Variants in PRKG2 observed in about 807,000 individuals in gnomAD.
PRKG2 encodes the protein protein kinase cGMP-dependent 2, also known as cGMP-dependent protein kinase 2.
Under a neutral mutation model 97.2 loss-of-function variants are expected in PRKG2, and 33 were observed. The observed-to-expected ratio is 0.34, with a 90% CI of 0.26 to 0.45. The LOEUF (loss-of-function observed/expected upper bound fraction) is 0.45. Ranked by LOEUF, PRKG2 falls within the 20% of genes least tolerant of loss-of-function variation. PRKG2 has a pLI of 1.00. For missense variants in PRKG2, 638 were observed against 900.0 expected, an observed-to-expected ratio of 0.71 and a Z score of 3.73; for synonymous variants, 330 against 321.8, an observed-to-expected ratio of 1.03 and a Z score of -0.27.
intron 17 of PRKG2, among the ~76,000 whole-genome samples, chr4:81,102,613 A>G (rs1742913939): frequency 6.6e-6 from 1 of 152,226 alleles, no homozygotes; most frequent in Non-Finnish European, 1.5e-5. Context: ...TTTTGATTCT[A>G]TAAAATCTAC....
chr4:81,169,636 C>T (rs1750285932), intron 5 of PRKG2, 27 bp downstream of exon 5: 2 of 1,478,488 alleles, frequency 1.4e-6, no homozygotes, highest in African/African-American at 1.4e-5. Flanking sequence ...CCACTGTCTT[C>T]ACTGTCTCCC....
Position 81,089,772 on chromosome 4 carries a change from T to C in PRKG2, c.2225A>G (p.Asp742Gly). Residue 742 changes from aspartate to glycine, a missense_variant, in exon 19 of 19, where the codon GAC (aspartate) becomes GGC (glycine). Physicochemically the swap from Asp to Gly is moderately conservative, Grantham distance 94 (BLOSUM62 -1). Coordinates refer to ENST00000264399, the MANE Select transcript of PRKG2 (RefSeq NM_006259.3). ...CATTCCCTTTTCAGGAGGATATTTG[T>C]CAAAGTAGCTGTGATCTATGGGTCC... ...LKGPIDHSYF[D>G]KYPPEKGMPP... The C allele has an allele frequency of 2.5e-6, 4 of 1,612,616 alleles. No homozygotes were observed. Among genetic ancestry groups the C allele is most frequent in the Non-Finnish European group, 3.4e-6 (4 of 1,178,646 alleles).
Position 81,088,401 on chromosome 4 carries a change from A to G in PRKG2, c.*1307T>C, listed in dbSNP as rs1475769262. The G allele has an allele frequency of 6.6e-6, 1 of 152,170 alleles. No individual in the cohort carries two copies. The highest frequency in any genetic ancestry group is 1.5e-5 in the Non-Finnish European group (1 of 68,014). The allele number at this position is 152,170 out of a possible 1,614,324, so 9.4% of individuals were successfully genotyped here. A position where few individuals can be genotyped will look rare whatever the true frequency, so the allele number is the denominator to read the frequency against. On this transcript the variant is annotated 3_prime_UTR_variant, in exon 19 of 19. Coordinates refer to ENST00000264399, the MANE Select transcript of PRKG2 (RefSeq NM_006259.3). The stretch of plus-strand genomic sequence containing the variant: ...TTATACAGTATTTTTACTCTGCTAG[A>G]TTTAAAAAATACAGAAAAGTCTCTG...
intron 11 of PRKG2, among the ~76,000 whole-genome samples, 185 bp from the exon 12 acceptor site, chr4:81,140,854 A>T (rs1747211342): frequency 1.3e-5 from 2 of 152,090 alleles, no homozygotes; most frequent in Admixed American, 1.3e-4. Context: ...TAGTTCATCT[A>T]TCTGGGATGT....
At chr4:81,101,379 T>C (rs1578336943) in intron 17 of PRKG2, among the ~76,000 whole-genome samples, 2 of 152,184 alleles carry the variant, frequency 1.3e-5, no homozygotes, top group Non-Finnish European at 2.9e-5. Context: ...TGGAACACTA[T>C]GCAGCCATAA....
At chr4:81,207,003 T>C (rs1458073613) in intron 1 of PRKG2, among the ~76,000 whole-genome samples, 1 of 152,224 alleles carries the variant, frequency 6.6e-6, no homozygotes, top group Non-Finnish European at 1.5e-5. Context: ...TGCAGAGATG[T>C]GGCAGGTTTA....
intron 14 of PRKG2, among the ~76,000 whole-genome samples, chr4:81,122,755 T>C (rs1413042982): frequency 6.6e-6 from 1 of 152,162 alleles, no homozygotes; most frequent in African/African-American, 2.4e-5. Flanking sequence ...ATGCCACTTA[T>C]AGGAATTTGC....
At chr4:81,123,297 G>T (rs532452490) in intron 14 of PRKG2, among the ~76,000 whole-genome samples, 1 of 152,310 alleles carries the variant, frequency 6.6e-6, no homozygotes, top group Non-Finnish European at 1.5e-5. Flanking sequence ...TCATGATCAT[G>T]TGGTAACCCC....
intron 1 of PRKG2, among the ~76,000 whole-genome samples, chr4:81,214,153 TAAA>T (rs11355853): frequency 1.5e-4 from 18 of 120,324 alleles, no homozygotes; most frequent in Non-Finnish European, 1.9e-4. Context: ...CTCTCTTCCT[TAAA>T]AAAAAAAAAA....
At chr4:81,217,053 ATG>A (rs1289899788), upstream of PRKG2, among the ~76,000 whole-genome samples, 746 of 133,538 alleles carry the variant, frequency 5.6e-3, 20 homozygotes, top group African/African-American at 0.012. Context: ...ATATATATAT[ATG>A]TGTATATATA....
Position 81,144,310 on chromosome 4 carries a change from C to G in PRKG2, c.1175G>C (p.Gly392Ala). 1.2e-6 allele frequency: 2 copies of G among 1,610,806 alleles called. No individual in the cohort carries two copies. Among genetic ancestry groups the G allele is most frequent in the Non-Finnish European group, 1.7e-6 (2 of 1,177,312 alleles). Residue 392 changes from glycine (G) to alanine (A), a missense_variant, in exon 10 of 19, where the codon GGT becomes GCT. Coordinates refer to ENST00000264399, the MANE Select transcript of PRKG2 (RefSeq NM_006259.3). ...GTATTTTTGCAGCTCTTCAAATGTA[C>G]CGACAGTTTGGTTGAATGTTCTAAA... ...IDRETFNQTV[G>A]TFEELQKYLE... is the part of the protein sequence containing the mutation.
chr4:81,183,714 C>G (rs563283118), intron 2 of PRKG2, among the ~76,000 whole-genome samples: 16 of 152,246 alleles, frequency 1.1e-4, no homozygotes, highest in Admixed American at 7.8e-4. Context: ...ATCCCACCCC[C>G]ACAGAGACCA....
chr4:81,092,410 G>A lies in PRKG2; in HGVS notation c.2169C>T (p.Ser723=), dbSNP rs751059878. 1 of 1,594,754 alleles carries A rather than the reference G, an allele frequency of 6.3e-7. No individual in the cohort carries two copies. Among genetic ancestry groups the A allele is most frequent in the Non-Finnish European group, 8.6e-7 (1 of 1,165,794 alleles). The change falls in exon 18 of 19, where the codon AGC becomes AGT. Residue 723 remains serine (S), a synonymous_variant. Transcript: ENST00000264399. ...CCTCTCTTTGCAAAGGTGATGGAAGGCTCCGTGCTTTCAGTCCCTCCCAAT... is the reference window on the plus strand; with the variant it reads ...CCTCTCTTTGCAAAGGTGATGGAAGACTCCGTGCTTTCAGTCCCTCCCAAT... The part of the protein sequence containing the change: ...GFNWEGLKAR[S]LPSPLQRELK...
intron 6 of PRKG2, among the ~76,000 whole-genome samples, chr4:81,156,500 C>T (rs28882451): frequency 0.085 from 12,861 of 152,000 alleles, 1,842 homozygotes; most frequent in African/African-American, 0.29. Flanking sequence ...AACACCCCAC[C>T]GTCAACATTA....
chr4:81,138,439 G>A (rs556986306), intron 12 of PRKG2, among the ~76,000 whole-genome samples: 1 of 152,246 alleles, frequency 6.6e-6, no homozygotes, highest in East Asian at 1.9e-4. Context: ...AAGCTGCCAA[G>A]GCTTGAATCC....
Position 81,105,943 on chromosome 4 carries a change from G to A in PRKG2, c.1941-8C>T, listed in dbSNP as rs773186236. Reference sequence around the variant, plus strand: ...ACCCCAGAAAAGGGTGGGCTAGATAGAGAAAATCCAGAACAGGACACATTA... The same window carrying A: ...ACCCCAGAAAAGGGTGGGCTAGATAAAGAAAATCCAGAACAGGACACATTA... On this transcript the variant is annotated splice_polypyrimidine_tract_variant and splice_region_variant and intron_variant, in intron 15 of 18. Coordinates refer to ENST00000264399, the MANE Select transcript of PRKG2 (RefSeq NM_006259.3). The A allele has an allele frequency of 2.5e-6, 4 of 1,611,632 alleles. No homozygotes were observed. Among genetic ancestry groups the A allele is most frequent in the Middle Eastern group, 3.3e-4 (2 of 6,028 alleles).
Position 81,131,153 on chromosome 4 carries a change from G to GACCCACACCT in PRKG2, c.1776+4001_1776+4002insAGGTGTGGGT. Among the ~76,000 whole-genome samples, 85 of 152,140 alleles carry GACCCACACCT rather than the reference G, an allele frequency of 5.6e-4. 1 individual carries two copies. The highest frequency in any genetic ancestry group is 2.0e-3 in the African/African-American group (81 of 41,406). ...GAATCTCCTGGTCTGTGGGTTGCAA[G>GACCCACACCT]GACCATGGGAAAAGCTTAGTATCTG... On this transcript the variant is annotated intron_variant, in intron 14 of 18. Transcript: ENST00000264399.
chr4:81,126,442 G>T lies in PRKG2; in HGVS notation c.1776+8713C>A, dbSNP rs191391247. Among the ~76,000 whole-genome samples the T allele has an allele frequency of 1.5e-3, 234 of 152,298 alleles. 2 individuals are homozygous for T. The highest frequency in any genetic ancestry group is 5.1e-3 in the African/African-American group (213 of 41,558). ...GTATTTCTGGTTCTAGATCCTTGAG[G>T]AATCGCCATACTGTCTTCCACAATG... On this transcript the variant is annotated intron_variant, in intron 14 of 18. Coordinates refer to ENST00000264399, the MANE Select transcript of PRKG2 (RefSeq NM_006259.3).
intron 2 of PRKG2, among the ~76,000 whole-genome samples, chr4:81,201,964 G>A (rs6850526): frequency 0.26 from 39,881 of 151,976 alleles, 6,497 homozygotes; most frequent in African/African-American, 0.45. Context: ...ATTCAGCCAG[G>A]ATACTTTATA....
Sources: allele counts gnomAD v4.1 joint callset (sites outside exome capture counted in the v4.1 genomes callset), GRCh38; gene constraint gnomAD v4.1.1; transcripts MANE v1.5; gene names NCBI Gene and HGNC (gene_info 2026-07-23, HGNC 2026-07-21).